UGT1A7: variants seen among roughly 807,000 people sequenced by gnomAD.
The protein encoded by UGT1A7 is UDP-glucuronosyltransferase 1A7.
A neutral mutation model predicts 45.6 loss-of-function variants in UGT1A7; 33 were observed. The observed-to-expected ratio is 0.72, with a 90% CI of 0.55 to 0.97. UGT1A7 has a LOEUF of 0.97. UGT1A7 is among the 50% of genes least tolerant of loss of function. The pLI, the probability that UGT1A7 is intolerant of heterozygous loss-of-function variation, is 0.00. For synonymous variants in UGT1A7, 274 were observed against 250.6 expected (o/e 1.09, Z -0.88); for missense variants, 684 against 666.2 (o/e 1.03, Z -0.29).
At chr2:233,694,004 C>T in intron 1 of UGT1A7, 1 of 1,466,316 alleles carries the variant, frequency 6.8e-7, no homozygotes, top group Non-Finnish European at 9.2e-7. Flanking sequence ...CGGCTCGGAG[C>T]AGCGGGAACA....
chr2:233,736,062 G>T (rs1463600658), intron 1 of UGT1A7, among the ~76,000 whole-genome samples: 1 of 152,174 alleles, frequency 6.6e-6, no homozygotes, highest in East Asian at 1.9e-4. Flanking sequence ...GGCCTGCCTT[G>T]CTAGGTTTGG....
intron 1 of UGT1A7, chr2:233,690,798 C>T (rs1295946330): frequency 9.1e-7 from 1 of 1,097,034 alleles, no homozygotes; most frequent in South Asian, 2.3e-5. Context: ...CACACACACA[C>T]ACCATTCTTA....
At chr2:233,709,750 T>G (rs1304861881) in intron 1 of UGT1A7, among the ~76,000 whole-genome samples, 1 of 152,206 alleles carries the variant, frequency 6.6e-6, no homozygotes, top group African/African-American at 2.4e-5. Context: ...AAAATAAACA[T>G]TATTGGAGTA....
intron 1 of UGT1A7, among the ~76,000 whole-genome samples, chr2:233,697,354 T>C (rs1438878315): frequency 6.6e-6 from 1 of 152,156 alleles, no homozygotes; most frequent in Non-Finnish European, 1.5e-5. Flanking sequence ...GGTTTTCTAA[T>C]TTGTTGGCAT....
At chr2:233,693,986 G>C in intron 1 of UGT1A7, 11 of 1,543,072 alleles carry the variant, frequency 7.1e-6, no homozygotes, top group Non-Finnish European at 9.6e-6. Context: ...GTGGGGGGAA[G>C]TGATACCCGG....
In UGT1A7 at chr2:233,687,337, T is replaced by C. The variant is rs573612670; in HGVS notation, c.855+4545T>C. ...CTTGATGCAAGTTTCCCTTGAATGA[T>C]TTAAACTTCAGATGGGTGGACTGTC... On this transcript the variant is annotated intron_variant, in intron 1 of 4. Transcript: ENST00000373426. 2.0e-5 allele frequency among the ~76,000 whole-genome samples: 3 copies of C among 152,222 alleles called. No homozygotes were observed. In the East Asian group the frequency reaches 5.8e-4, roughly 29 times the overall value.
chr2:233,711,161 T>C (rs2076166477), intron 1 of UGT1A7, among the ~76,000 whole-genome samples: 4 of 152,226 alleles, frequency 2.6e-5, no homozygotes, highest in African/African-American at 4.8e-5. Context: ...TCCTATTTCC[T>C]GGGCACCAGG....
rs1699804309 is a variant in UGT1A7, at chr2:233,769,169, A to G, written c.1295+730A>G. Among the ~76,000 whole-genome samples, 1 of 152,236 alleles carries G rather than the reference A, an allele frequency of 6.6e-6. No individual in the cohort carries two copies. The highest frequency in any genetic ancestry group is 2.1e-4 in the South Asian group (1 of 4,828). On this transcript the variant is annotated intron_variant, in intron 4 of 4. Coordinates refer to ENST00000373426, the MANE Select transcript of UGT1A7 (RefSeq NM_019077.3). The surrounding 1 kb of genome is among the most constrained non-coding windows in gnomAD (Gnocchi z 4.4). ...CTGGAACCTGTGAGAAATTTTGTCC[A>G]TGGAGTTTATGAATGAAGGAGCTAT...
intron 1 of UGT1A7, chr2:233,761,265 G>A (rs1265780323): frequency 1.3e-6 from 2 of 1,595,780 alleles, no homozygotes; most frequent in Non-Finnish European, 8.6e-7. Flanking sequence ...AATTTAAAAT[G>A]CCCTCTTTTG....
At chr2:233,693,768 T>C in intron 1 of UGT1A7, 3 of 1,614,198 alleles carry the variant, frequency 1.9e-6, no homozygotes, top group Non-Finnish European at 2.5e-6. Context: ...GTTTGGCTGT[T>C]AAGATATGAC....
chr2:233,716,179 G>A (rs1395274719), intron 1 of UGT1A7, among the ~76,000 whole-genome samples: 1 of 152,128 alleles, frequency 6.6e-6, no homozygotes, highest in Non-Finnish European at 1.5e-5. Flanking sequence ...GCATCTTCAA[G>A]TCTCTAATTC....
chr2:233,707,574 G>C (rs897653456), intron 1 of UGT1A7, among the ~76,000 whole-genome samples: 6 of 150,032 alleles, frequency 4.0e-5, no homozygotes, highest in African/African-American at 4.9e-5. Flanking sequence ...ATGTTTGAGA[G>C]ATTCATGATG....
At chr2:233,763,485 C>G (rs763947440) in intron 1 of UGT1A7, among the ~76,000 whole-genome samples, 4 of 152,140 alleles carry the variant, frequency 2.6e-5, no homozygotes, top group Non-Finnish European at 4.4e-5. Context: ...TTGATTGTAA[C>G]TCTCTCAGTT....
chr2:233,766,051 C>T (rs552293215), intron 1 of UGT1A7, among the ~76,000 whole-genome samples: 2 of 152,294 alleles, frequency 1.3e-5, no homozygotes, highest in African/African-American at 2.4e-5. Flanking sequence ...CTTGTGTTAA[C>T]CAGCTCAATT....
At chr2:233,770,519 A>C (rs1327661350) in intron 4 of UGT1A7, 1 of 152,120 alleles carries the variant, frequency 6.6e-6, no homozygotes, top group South Asian at 2.1e-4. Context: ...TTACCCAGGC[A>C]TGGTGGTGTA....
chr2:233,764,474 A>G (rs1415490690), intron 1 of UGT1A7, among the ~76,000 whole-genome samples: 1 of 152,114 alleles, frequency 6.6e-6, no homozygotes, highest in East Asian at 1.9e-4. Context: ...CTGCTATTTA[A>G]CTTCGAATGT....
intron 1 of UGT1A7, among the ~76,000 whole-genome samples, chr2:233,683,893 T>C (rs537547102): frequency 6.6e-6 from 1 of 152,300 alleles, no homozygotes; most frequent in Admixed American, 6.5e-5. Flanking sequence ...TATTTATACC[T>C]CTTATTTTGG....
At position 233,693,511 on chromosome 2, in the gene UGT1A7, C is replaced by T. The variant is rs144317442; in HGVS notation, c.855+10719C>T. On this transcript the variant is annotated intron_variant, in intron 1 of 4. Transcript: ENST00000373426. ...AGTATTTGGGCCTACCATCTGTGTA[C>T]CTCTTCAGGGGTTTTCCGTGTTCCC... is the stretch of plus-strand genomic sequence containing the variant. The T allele has an allele frequency of 1.7e-3, 2,823 of 1,614,136 alleles. 9 individuals are homozygous for T. The highest frequency in any genetic ancestry group is 5.6e-3 in the Admixed American group (334 of 60,012).
At chr2:233,711,602 G>C (rs764299544) in intron 1 of UGT1A7, among the ~76,000 whole-genome samples, 3 of 152,140 alleles carry the variant, frequency 2.0e-5, no homozygotes, top group Non-Finnish European at 4.4e-5. Context: ...TCCTGCCTGC[G>C]CCCTCTGGTG....
Sources: allele counts gnomAD v4.1 joint callset (sites outside exome capture counted in the v4.1 genomes callset), GRCh38; gene constraint gnomAD v4.1.1; non-coding constraint Gnocchi (gnomAD v3.1); transcripts MANE v1.5; gene names NCBI Gene and HGNC (gene_info 2026-07-23, HGNC 2026-07-21).